Variants in ACOT9 observed in about 807,000 individuals in gnomAD.
The protein encoded by ACOT9 is acyl-coenzyme A thioesterase 9, mitochondrial.
ACOT9 carries 34 observed loss-of-function variants against 39.7 expected under a neutral mutation model. That is an observed-to-expected ratio of 0.86 (90% CI 0.65 to 1.14). ACOT9 has a LOEUF of 1.14. ACOT9 is among the 50% of genes most tolerant of loss of function. ACOT9 has a pLI of 0.00. For missense variants in ACOT9, 313 were observed against 344.1 expected, an observed-to-expected ratio of 0.91 and a Z score of 0.71; for synonymous variants, 110 against 120.5, an observed-to-expected ratio of 0.91 and a Z score of 0.57.
Position 23,705,098 on chromosome X carries a change from A to G in ACOT9, c.1020-18T>C. 2 of 1,189,464 alleles carry G rather than the reference A, an allele frequency of 1.7e-6. No individual in the cohort carries two copies. The highest frequency in any genetic ancestry group is 2.3e-6 in the Non-Finnish European group (2 of 878,035). On this transcript the variant is annotated intron_variant, in intron 13 of 15. Transcript: ENST00000379303. ...GAGAACCACTGTTGGGGGAAAGGAC[A>G]GAATTTGGGGTATATTGCAAAATTC...
chrX:23,723,511 G>A (rs796347374), intron 6 of ACOT9, among the ~76,000 whole-genome samples: 2 of 103,434 alleles, frequency 1.9e-5, no homozygotes, highest in African/African-American at 7.2e-5. Context: ...GCTGAGGCAG[G>A]AGAATCAATT....
At chrX:23,722,620 C>A (rs1266861471) in intron 7 of ACOT9, 50 bp downstream of exon 7, 1 of 902,396 alleles carries the variant, frequency 1.1e-6, no homozygotes, top group South Asian at 2.3e-5. Flanking sequence ...TCAATAATAT[C>A]TTGAAATTAC....
intron 1 of ACOT9, among the ~76,000 whole-genome samples, chrX:23,742,220 G>A (rs976374094): frequency 2.1e-5 from 1 of 47,760 alleles, no homozygotes; most frequent in Non-Finnish European, 3.2e-5. Context: ...GAGTGAGAGA[G>A]AGAGAGAGAG....
chrX:23,736,264 G>C (rs1279329096), intron 1 of ACOT9, among the ~76,000 whole-genome samples: 1 of 111,925 alleles, frequency 8.9e-6, no homozygotes, highest in Non-Finnish European at 1.9e-5. Context: ...ATAAATAAAA[G>C]ACGGCAACTA....
At chrX:23,732,940 A>C (rs1194255753) in intron 4 of ACOT9, among the ~76,000 whole-genome samples, 1 of 112,128 alleles carries the variant, frequency 8.9e-6, no homozygotes, top group Non-Finnish European at 1.9e-5. Context: ...ATATACACCT[A>C]AATGCACTTT....
intron 11 of ACOT9, among the ~76,000 whole-genome samples, chrX:23,706,352 G>C (rs1928682613): frequency 9.1e-6 from 1 of 109,371 alleles, no homozygotes; most frequent in Non-Finnish European, 1.9e-5. Flanking sequence ...CTGAGGTCAG[G>C]AGTTCAAGAC....
chrX:23,704,005 T>C (rs750227406), intron 15 of ACOT9, 23 bp from the exon 16 acceptor site: 78 of 1,137,872 alleles, frequency 6.9e-5, no homozygotes, highest in Non-Finnish European at 8.5e-5. Flanking sequence ...AAAGAGAACC[T>C]TGGAGAAACT....
In ACOT9 at chrX:23,702,498, G is replaced by C. The variant is rs1319874547; in HGVS notation, c.*1396C>G. On this transcript the variant is annotated 3_prime_UTR_variant, in exon 16 of 16. Transcript: ENST00000379303. ...GAACTCCTGACCTCATGATCCATCC[G>C]CCTTGGCCTCCCAAAGTGCTGGGAT... 1 of 111,289 alleles carries C rather than the reference G, an allele frequency of 9.0e-6. No homozygotes were observed. Among genetic ancestry groups the C allele is most frequent in the Non-Finnish European group, 1.9e-5 (1 of 53,070 alleles). The allele number at this position is 111,289 out of a possible 1,213,427, so 9.2% of individuals were successfully genotyped here.
chrX:23,727,576 C>T (rs113794390), intron 6 of ACOT9, among the ~76,000 whole-genome samples: 6 of 109,885 alleles, frequency 5.5e-5, no homozygotes, highest in Non-Finnish European at 7.6e-5. Context: ...CCTCCTGCCT[C>T]GATCTCCCAA....
intron 10 of ACOT9, 141 bp downstream of exon 10, chrX:23,707,736 T>TAA: frequency 2.4e-6 from 1 of 420,706 alleles, no homozygotes; most frequent in African/African-American, 2.7e-5. Context: ...AGACTCCATT[T>TAA]CAAAAAAAAC....
At chrX:23,735,839 T>G in intron 2 of ACOT9, 80 bp downstream of exon 2, 1 of 851,747 alleles carries the variant, frequency 1.2e-6, no homozygotes, top group Non-Finnish European at 1.7e-6. Flanking sequence ...TGCTCTAAAC[T>G]ATCACTCTAT....
intron 2 of ACOT9, 148 bp from the exon 3 acceptor site, chrX:23,734,515 A>C: frequency 2.4e-6 from 1 of 423,468 alleles, no homozygotes. Flanking sequence ...AATTAACTAT[A>C]GCAATCCTCA....
At chrX:23,724,338 C>G (rs759654670) in intron 6 of ACOT9, among the ~76,000 whole-genome samples, 21 of 111,665 alleles carry the variant, frequency 1.9e-4, no homozygotes, top group Admixed American at 3.8e-4. Context: ...ATGGCACATC[C>G]AAATGAAGGT....
In ACOT9 at chrX:23,733,782, A is replaced by G. The variant is rs377493404; in HGVS notation, c.145+559T>C. 9.0e-4 allele frequency among the ~76,000 whole-genome samples: 99 copies of G among 109,636 alleles called. 1 individual carries two copies. Among genetic ancestry groups the G allele is most frequent in the African/African-American group, 3.2e-3 (96 of 29,849 alleles). On this transcript the variant is annotated intron_variant, in intron 3 of 15. Coordinates refer to ENST00000379303, the MANE Select transcript of ACOT9 (RefSeq NM_001037171.2). ...TTTGTTTTGTTTTGTTTTGTTTGAG[A>G]CAGAGTTTCGCTCTTGTTGCCCAGC...
At chrX:23,729,415 T>C (rs1001224089) in intron 6 of ACOT9, among the ~76,000 whole-genome samples, 5 of 112,055 alleles carry the variant, frequency 4.5e-5, no homozygotes, top group Non-Finnish European at 9.4e-5. Context: ...GATTCAGAAC[T>C]GGATCCTTCT....
At chrX:23,725,594 G>GA (rs1244527018) in intron 6 of ACOT9, among the ~76,000 whole-genome samples, 1 of 110,495 alleles carries the variant, frequency 9.1e-6, no homozygotes, top group East Asian at 2.8e-4. Flanking sequence ...GAGGTGGGGG[G>GA]ATCCCTTGAG....
chrX:23,719,918 G>C (rs113565786), intron 8 of ACOT9, among the ~76,000 whole-genome samples: 2 of 109,200 alleles, frequency 1.8e-5, no homozygotes, highest in African/African-American at 3.4e-5. Flanking sequence ...CTCACTGCAA[G>C]CTCCGCCTCC....
chrX:23,733,202 C>T lies in ACOT9; in HGVS notation c.161G>A (p.Arg54Gln), dbSNP rs201594302. Residue 54 changes from arginine (R) to glutamine (Q), a missense_variant, in exon 4 of 16, where the codon CGG (arginine) becomes CAG (glutamine). By Grantham distance (43) the Arg-to-Gln change is conservative (BLOSUM62 1). Transcript: ENST00000379303. Reference sequence around the variant, plus strand: ...GTTTGTGGATGCTCCTACTATCTCCCGCAACTTATCTCGAACTGAAACAAA... The same window carrying T: ...GTTTGTGGATGCTCCTACTATCTCCTGCAACTTATCTCGAACTGAAACAAA... ...IHVNHVRDKL[R>Q]EIVGASTNWR... is the part of the protein sequence containing the mutation. 4.1e-6 allele frequency: 5 copies of T among 1,206,802 alleles called. No individual in the cohort carries two copies. In the African/African-American group the frequency reaches 7.0e-5, roughly 17 times the overall value.
At position 23,701,678 on chromosome X, in the gene ACOT9, C is replaced by T. The variant is rs1928488185; in HGVS notation, c.*2216G>A. Among the ~76,000 whole-genome samples the T allele has an allele frequency of 9.0e-6, 1 of 111,212 alleles. No homozygotes were observed. The highest frequency in any genetic ancestry group is 9.5e-5 in the Admixed American group (1 of 10,478). ...GTAGAGAAAGGGTCTCACTATGTTT[C>T]CCAGGCTGGTCTCAAGCGATCCTCC... On this transcript the variant is annotated 3_prime_UTR_variant, in exon 16 of 16. Transcript: ENST00000379303.
Sources: allele counts gnomAD v4.1 joint callset (sites outside exome capture counted in the v4.1 genomes callset), GRCh38; gene constraint gnomAD v4.1.1; transcripts MANE v1.5; gene names NCBI Gene and HGNC (gene_info 2026-07-23, HGNC 2026-07-21).